The following TRA2A variants were observed in gnomAD, a reference collection of about 807,000 sequenced individuals.
TRA2A encodes the protein transformer-2 protein homolog alpha.
TRA2A carries 31 observed loss-of-function variants against 45.7 expected under a neutral mutation model. That is an observed-to-expected ratio of 0.68 (90% confidence interval 0.51 to 0.92). TRA2A has a LOEUF of 0.92. Among genes scored for constraint, TRA2A ranks in the 40% least tolerant of loss-of-function variants. The probability of loss-of-function intolerance (pLI) is 0.00; values close to 1 mark genes in which losing one functional copy is unlikely to be tolerated. For missense variants in TRA2A, 304 were observed against 367.5 expected (o/e 0.83, Z 1.41); for synonymous variants, 132 against 126.2 (o/e 1.05, Z -0.31).
At chr7:23,517,477 CAAAAAAAAAAA>C (rs70954385) in intron 2 of TRA2A, among the ~76,000 whole-genome samples, 1,278 of 13,956 alleles carry the variant, frequency 0.092, 82 homozygotes, top group African/African-American at 0.2. Flanking sequence ...GACTACGTCT[CAAAAAAAAAAA>C]AAAAAAAAAA....
chr7:23,525,941 G>T (rs1790323808), intron 1 of TRA2A, among the ~76,000 whole-genome samples: 1 of 152,132 alleles, frequency 6.6e-6, no homozygotes, highest in Non-Finnish European at 1.5e-5. Flanking sequence ...CCTGCTGTTG[G>T]TTGAAGGAAA....
chr7:23,527,909 T>A (rs1454753791), intron 1 of TRA2A, among the ~76,000 whole-genome samples: 1 of 152,164 alleles, frequency 6.6e-6, no homozygotes, highest in Non-Finnish European at 1.5e-5. Context: ...AGATTTTAAT[T>A]TTTTTTAAGT....
chr7:23,506,238 C>T lies in TRA2A; in HGVS notation c.670G>A (p.Gly224Ser), dbSNP rs138326382. ...HSGGGGGGGG[G>S]GGGGGGGRRR... ...CTGCCACCACCTCCACCTCCACCGC[C>T]GCCGCCTCCTCCACCACCCCCACCA... is the stretch of plus-strand genomic sequence containing the variant. Residue 224 changes from glycine to serine, a missense_variant, in exon 6 of 8, where the codon GGC becomes AGC. By Grantham distance (56) the Gly-to-Ser change is moderately conservative (BLOSUM62 0). Transcript: ENST00000297071. The T allele has an allele frequency of 1.1e-5, 17 of 1,610,962 alleles. No individual in the cohort carries two copies. The highest frequency in any genetic ancestry group is 2.7e-5 in the African/African-American group (2 of 74,818).
intron 4 of TRA2A, among the ~76,000 whole-genome samples, chr7:23,509,164 A>G (rs895512805): frequency 1.3e-5 from 2 of 152,164 alleles, no homozygotes; most frequent in Non-Finnish European, 2.9e-5. Flanking sequence ...TTTACATCAC[A>G]TAAATGTCTG....
intron 1 of TRA2A, among the ~76,000 whole-genome samples, chr7:23,526,920 T>C (rs1227031332): frequency 6.6e-6 from 1 of 152,166 alleles, no homozygotes; most frequent in Non-Finnish European, 1.5e-5. Flanking sequence ...GACACCCACA[T>C]ATAATCAAAT....
rs539932253 is a variant in TRA2A at position 23,506,715 on chromosome 7, T to C, written c.642-449A>G. Among the ~76,000 whole-genome samples the C allele has an allele frequency of 3.3e-5, 5 of 152,350 alleles. No individual in the cohort carries two copies. The East Asian group carries it at 9.6e-4, about 29-fold the overall frequency. ...GGACACCAAAGAGAATACCAAGGAA[T>C]GACTATATTCCTTCTTTTATTCCCA... On this transcript the variant is annotated intron_variant, in intron 5 of 7. Transcript: ENST00000297071.
intron 1 of TRA2A, among the ~76,000 whole-genome samples, chr7:23,524,056 G>A (rs991994876): frequency 6.6e-6 from 1 of 152,022 alleles, no homozygotes; most frequent in African/African-American, 2.4e-5. Context: ...TTACTAGGAT[G>A]GAAATAAAAA....
Position 23,505,494 on chromosome 7 carries a change from C to T in TRA2A, c.*65G>A. ...AAGAATCCACAGCTTGGGGAAATCT[C>T]AGAATTAAAAAAAAAAAAAAAAAAA... On this transcript the variant is annotated 3_prime_UTR_variant, in exon 8 of 8. Coordinates refer to ENST00000297071, the MANE Select transcript of TRA2A (RefSeq NM_013293.5). 1 of 303,922 alleles carries T rather than the reference C, an allele frequency of 3.3e-6. No individual in the cohort carries two copies. The highest frequency in any genetic ancestry group is 5.9e-6 in the Non-Finnish European group (1 of 168,102). 18.8% of individuals were successfully genotyped at this position (303,922 alleles called of 1,614,324 possible).
intron 1 of TRA2A, chr7:23,522,429 T>C: frequency 8.0e-7 from 1 of 1,253,068 alleles, no homozygotes; most frequent in South Asian, 1.4e-5. Context: ...TCACGAACAT[T>C]AACCTTAATG....
At chr7:23,529,730 C>A (rs1790492444) in intron 1 of TRA2A, among the ~76,000 whole-genome samples, 2 of 152,124 alleles carry the variant, frequency 1.3e-5, no homozygotes, top group South Asian at 4.1e-4. Flanking sequence ...CTAAAATACA[C>A]TTGGGTACCA....
chr7:23,511,786 A>G (rs1789633541), intron 4 of TRA2A, among the ~76,000 whole-genome samples: 1 of 152,226 alleles, frequency 6.6e-6, no homozygotes, highest in African/African-American at 2.4e-5. Flanking sequence ...CACTATTTCA[A>G]GTCATTGACA....
chr7:23,510,860 A>T (rs1455595134), intron 4 of TRA2A, among the ~76,000 whole-genome samples: 1 of 152,154 alleles, frequency 6.6e-6, no homozygotes, highest in East Asian at 1.9e-4. Context: ...AAAAATCATA[A>T]GACTGACAAA....
At chr7:23,523,262 A>G (rs990795939) in intron 1 of TRA2A, among the ~76,000 whole-genome samples, 10 of 152,192 alleles carry the variant, frequency 6.6e-5, no homozygotes, top group Non-Finnish European at 1.5e-4. Context: ...TTCAGTGACT[A>G]TATTCTATAT....
At chr7:23,516,643 T>C (rs1371531733) in intron 2 of TRA2A, 115 bp from the exon 3 acceptor site, 1 of 882,608 alleles carries the variant, frequency 1.1e-6, no homozygotes, top group East Asian at 2.5e-5. Context: ...CCTCCTTGCT[T>C]CTGAGGAAAG....
At chr7:23,530,909 ATT>A (rs35844350) in intron 1 of TRA2A, among the ~76,000 whole-genome samples, 2,461 of 147,300 alleles carry the variant, frequency 0.017, 72 homozygotes, top group African/African-American at 0.058. Context: ...AGAAAGACAG[ATT>A]TTTTTTTTTT....
chr7:23,514,067 A>AT (rs879501457), intron 3 of TRA2A, among the ~76,000 whole-genome samples: 1,622 of 140,172 alleles, frequency 0.012, 23 homozygotes, highest in African/African-American at 0.032. Flanking sequence ...CGGCTAGTAG[A>AT]TTTTTTTTTT....
Position 23,516,494 on chromosome 7 carries a change from T to G in TRA2A, c.205A>C (p.Thr69Pro), listed in dbSNP as rs371285829. Reference sequence around the variant, plus strand: ...GAGTGAGAGTGGGATCTGGATCGAGTGTAACGTCTATGAGAATGTCTCCTT... The same window carrying G: ...GAGTGAGAGTGGGATCTGGATCGAGGGTAACGTCTATGAGAATGTCTCCTT... ...RSRRHSHRRY[T>P]RSRSHSHSHR... Residue 69 changes from threonine (T) to proline (P), a missense_variant, in exon 3 of 8, where the codon ACT becomes CCT. This residue lies in a region of TRA2A where 132 missense variants were observed against 113.4 expected (regional missense o/e 1.16). Coordinates refer to ENST00000297071, the MANE Select transcript of TRA2A (RefSeq NM_013293.5). 2 of 1,614,048 alleles carry G rather than the reference T, an allele frequency of 1.2e-6. No homozygotes were observed. The highest frequency in any genetic ancestry group is 1.7e-6 in the Non-Finnish European group (2 of 1,180,038).
intron 5 of TRA2A, among the ~76,000 whole-genome samples, chr7:23,506,774 A>G (rs1584104846): frequency 6.6e-6 from 1 of 152,078 alleles, no homozygotes; most frequent in Non-Finnish European, 1.5e-5. Flanking sequence ...CTTTGGTTGT[A>G]TATTTTATTT....
chr7:23,512,810 T>G, intron 4 of TRA2A, 84 bp downstream of exon 4: 1 of 1,060,378 alleles, frequency 9.4e-7, no homozygotes, highest in Non-Finnish European at 1.3e-6. Context: ...GAAAAAAGGA[T>G]GCAATGTTTA....
Sources: gnomAD v4.1 joint callset for allele counts (sites outside exome capture counted in the v4.1 genomes callset) on GRCh38, gnomAD v4.1.1 for gene constraint, gnomAD v4.1.1 regional missense constraint, MANE v1.5 for transcripts, NCBI Gene and HGNC (gene_info 2026-07-23, HGNC 2026-07-21) for gene names.